PXDNL: variants seen among roughly 807,000 people sequenced by gnomAD.
The protein encoded by PXDNL is peroxidasin like.
PXDNL carries 145 observed loss-of-function variants against 150.8 expected under a neutral mutation model. The ratio of observed to expected loss-of-function variants is 0.96; its 90% CI spans 0.84 to 1.10. The LOEUF is 1.10. Ranked by LOEUF, PXDNL falls within the 50% of genes least tolerant of loss-of-function variation. The probability of loss-of-function intolerance (pLI) is 0.00; values close to 1 mark genes in which losing one functional copy is unlikely to be tolerated. For synonymous variants in PXDNL, 757 were observed against 725.7 expected (o/e 1.04, Z -0.69); for missense variants, 2,087 against 1,873.9 (o/e 1.11, Z -2.10).
At chr8:51,533,390 A>T (rs557351552) in intron 4 of PXDNL, among the ~76,000 whole-genome samples, 11 of 151,884 alleles carry the variant, frequency 7.2e-5, no homozygotes, top group Non-Finnish European at 1.3e-4. Context: ...ACCTCAGGTG[A>T]TCCACCTGCT....
Position 51,409,575 on chromosome 8 carries a change from G to T in PXDNL, c.2063-14C>A, listed in dbSNP as rs202084673. The T allele has an allele frequency of 1.3e-6, 2 of 1,542,316 alleles. No individual in the cohort carries two copies. Among genetic ancestry groups the T allele is most frequent in the African/African-American group, 2.8e-5 (2 of 71,910 alleles). On this transcript the variant is annotated splice_polypyrimidine_tract_variant and intron_variant, in intron 16 of 22. Coordinates refer to ENST00000356297, the MANE Select transcript of PXDNL (RefSeq NM_144651.5). ...TGTACCGGAATTCTGAAAGGCAAGC[G>T]GCGAAAGCCGTGAGGAGGGCGGGCC...
chr8:51,336,720 G>T (rs1313764355), intron 21 of PXDNL, among the ~76,000 whole-genome samples: 3 of 152,130 alleles, frequency 2.0e-5, no homozygotes, highest in Non-Finnish European at 4.4e-5. Flanking sequence ...TCTTATTGCT[G>T]GTGTTATGTC....
chr8:51,786,863 G>C (rs1171467646), intron 1 of PXDNL, among the ~76,000 whole-genome samples: 1 of 152,156 alleles, frequency 6.6e-6, no homozygotes, highest in African/African-American at 2.4e-5. Context: ...TCAATGACTG[G>C]CTTCAAAACT....
At chr8:51,784,222 G>A (rs1052312244) in intron 1 of PXDNL, among the ~76,000 whole-genome samples, 6 of 152,162 alleles carry the variant, frequency 3.9e-5, no homozygotes, top group Middle Eastern at 3.2e-3. Context: ...GTCAACTCTT[G>A]AAAAGACATT....
At position 51,409,299 on chromosome 8, in the gene PXDNL, C is replaced by T. The variant is rs1395946433; in HGVS notation, c.2325G>A (p.Gln775=). Residue 775 remains glutamine, a synonymous_variant, in exon 17 of 23, where the codon CAG becomes CAA. Transcript: ENST00000356297. ...RGLGLPVGSR[Q]PLPPPRLVAT... ...CGACCAGCCGGGGCGGCGGGAGGGG[C>T]TGGCGGGAGCCCACAGGAAGGCCGA... The T allele has an allele frequency of 1.4e-6, 2 of 1,421,492 alleles. No homozygotes were observed. The highest frequency in any genetic ancestry group is 1.8e-6 in the Non-Finnish European group (2 of 1,095,198). 88.1% of individuals were successfully genotyped at this position (1,421,492 alleles called of 1,614,324 possible). A position where few individuals can be genotyped will look rare whatever the true frequency, so the allele number is the denominator to read the frequency against.
chr8:51,577,999 G>GAGGA (rs200324232), intron 3 of PXDNL, among the ~76,000 whole-genome samples: 647 of 31,438 alleles, frequency 0.021, 38 homozygotes, highest in East Asian at 0.034. Flanking sequence ...AAGAAAGAAA[G>GAGGA]AGGAAGGAAG....
chr8:51,549,366 G>T (rs1432186916), intron 4 of PXDNL, among the ~76,000 whole-genome samples: 3 of 151,968 alleles, frequency 2.0e-5, no homozygotes, highest in Non-Finnish European at 4.4e-5. Flanking sequence ...CGCAATAACT[G>T]AAGAACATAT....
At chr8:51,567,542 T>C (rs1356831129) in intron 3 of PXDNL, among the ~76,000 whole-genome samples, 2 of 151,870 alleles carry the variant, frequency 1.3e-5, no homozygotes, top group Non-Finnish European at 2.9e-5. Context: ...ATACTTTTTG[T>C]TTTTGTCCTT....
At chr8:51,668,093 C>T (rs982095919) in intron 1 of PXDNL, among the ~76,000 whole-genome samples, 5 of 151,466 alleles carry the variant, frequency 3.3e-5, no homozygotes, top group African/African-American at 1.2e-4. Context: ...AAAGAAGAGC[C>T]GACCAGCTGG....
intron 3 of PXDNL, among the ~76,000 whole-genome samples, chr8:51,570,071 C>T (rs1320037233): frequency 6.6e-6 from 1 of 151,916 alleles, no homozygotes; most frequent in African/African-American, 2.4e-5. Context: ...GCTGCAGTGA[C>T]CGGCTCAGAG....
At chr8:51,657,378 TA>T (rs1815173100) in intron 1 of PXDNL, among the ~76,000 whole-genome samples, 1 of 152,224 alleles carries the variant, frequency 6.6e-6, no homozygotes, top group Admixed American at 6.5e-5. Context: ...ATATGGTTGT[TA>T]AAACTTCCCT....
chr8:51,803,561 C>A (rs2037643685), intron 1 of PXDNL, among the ~76,000 whole-genome samples: 2 of 152,256 alleles, frequency 1.3e-5, no homozygotes, highest in South Asian at 2.1e-4. Flanking sequence ...GTCTTCTGGG[C>A]TCCTCCTGAG....
intron 2 of PXDNL, among the ~76,000 whole-genome samples, chr8:51,596,808 C>T (rs1422666662): frequency 6.6e-6 from 1 of 151,970 alleles, no homozygotes; most frequent in Non-Finnish European, 1.5e-5. Context: ...GATAGTAGAC[C>T]TTTATCGGAT....
chr8:51,505,212 G>A (rs1231061605), intron 4 of PXDNL, among the ~76,000 whole-genome samples: 1 of 152,134 alleles, frequency 6.6e-6, no homozygotes, highest in Non-Finnish European at 1.5e-5. Context: ...GAGGTATCAG[G>A]CCACCAAAGA....
intron 2 of PXDNL, among the ~76,000 whole-genome samples, chr8:51,629,048 C>A (rs950239379): frequency 1.3e-5 from 2 of 151,890 alleles, no homozygotes; most frequent in Non-Finnish European, 2.9e-5. Context: ...ATGAAACAAA[C>A]ACAAACATTG....
In PXDNL at chr8:51,777,662, G is replaced by A. The variant is rs1409379588; in HGVS notation, c.164+31519C>T. 3.3e-5 allele frequency among the ~76,000 whole-genome samples: 5 copies of A among 152,130 alleles called. No homozygotes were observed. The East Asian group carries it at 9.6e-4, about 29-fold the overall frequency. ...CATTGCCTGTAATCCCAGCACTTTG[G>A]GAGGCCAAGATGGGCAGATCACCTG... On this transcript the variant is annotated intron_variant, in intron 1 of 22. Coordinates refer to ENST00000356297, the MANE Select transcript of PXDNL (RefSeq NM_144651.5).
intron 10 of PXDNL, among the ~76,000 whole-genome samples, chr8:51,452,184 A>C (rs980708525): frequency 1.3e-5 from 2 of 152,240 alleles, no homozygotes; most frequent in African/African-American, 4.8e-5. Context: ...AGGTTTCTAA[A>C]AAACAGACAT....
chr8:51,730,666 C>T (rs185293532), intron 1 of PXDNL, among the ~76,000 whole-genome samples: 59 of 152,274 alleles, frequency 3.9e-4, no homozygotes, highest in Non-Finnish European at 7.1e-4. Flanking sequence ...TTAGTCTGTT[C>T]TCATGCTGTT....
chr8:51,738,381 T>A (rs925767313), intron 1 of PXDNL, among the ~76,000 whole-genome samples: 2 of 152,192 alleles, frequency 1.3e-5, no homozygotes, highest in Non-Finnish European at 2.9e-5. Context: ...AGTATGCATA[T>A]CCAGTATGTG....
Sources: gnomAD v4.1 joint callset for allele counts (sites outside exome capture counted in the v4.1 genomes callset) on GRCh38, gnomAD v4.1.1 for gene constraint, MANE v1.5 for transcripts, NCBI Gene and HGNC (gene_info 2026-07-23, HGNC 2026-07-21) for gene names.